The following IKZF2 variants were observed in gnomAD, a reference collection of about 807,000 sequenced individuals.
The protein encoded by IKZF2 is zinc finger protein Helios.
In IKZF2, 15 loss-of-function variants were observed where a neutral mutation model predicts 49.2. The observed-to-expected ratio is 0.30, with a 90% CI of 0.20 to 0.47. The LOEUF (loss-of-function observed/expected upper bound fraction) is 0.47. IKZF2 is among the 20% of genes least tolerant of loss of function. IKZF2 has a pLI of 1.00. For missense variants in IKZF2, 567 were observed against 664.6 expected, an observed-to-expected ratio of 0.85 and a Z score of 1.61; for synonymous variants, 227 against 221.4, an observed-to-expected ratio of 1.03 and a Z score of -0.23.
At chr2:213,123,189 G>A (rs1445768420) in intron 4 of IKZF2, among the ~76,000 whole-genome samples, 1 of 152,112 alleles carries the variant, frequency 6.6e-6, no homozygotes, top group Non-Finnish European at 1.5e-5. Context: ...ATGTCAGCTG[G>A]AAAACCGTGA....
chr2:213,034,290 C>G (rs2125209558), intron 6 of IKZF2, among the ~76,000 whole-genome samples: 1 of 152,304 alleles, frequency 6.6e-6, no homozygotes, highest in East Asian at 1.9e-4. Context: ...TGTGTGTTCA[C>G]TGGAGTAGCA....
chr2:213,054,838 T>C (rs1700990361), intron 5 of IKZF2, among the ~76,000 whole-genome samples: 1 of 152,154 alleles, frequency 6.6e-6, no homozygotes, highest in East Asian at 1.9e-4. Context: ...AACTTTATTA[T>C]GCCAATTAGA....
chr2:213,015,583 A>AGTG (rs1304488452), intron 7 of IKZF2, among the ~76,000 whole-genome samples: 2 of 152,012 alleles, frequency 1.3e-5, no homozygotes, highest in African/African-American at 4.8e-5. Flanking sequence ...AGAATGGCAC[A>AGTG]GTGGTGGTGG....
chr2:213,134,191 G>C (rs113587871), intron 4 of IKZF2, among the ~76,000 whole-genome samples: 2 of 152,124 alleles, frequency 1.3e-5, no homozygotes, highest in Non-Finnish European at 2.9e-5. Context: ...AAAAACCAGC[G>C]ATCAGAGGAC....
chr2:213,004,073 C>T lies in IKZF2; in HGVS notation c.*3287G>A, dbSNP rs1427453440. On this transcript the variant is annotated 3_prime_UTR_variant, in exon 9 of 9. Transcript: ENST00000434687. ...AACCCAACTAATTTCTTGGTATTAACTGTCATTTAAATTCTCTGTATGTTT... is the reference window on the plus strand; with the variant it reads ...AACCCAACTAATTTCTTGGTATTAATTGTCATTTAAATTCTCTGTATGTTT... The T allele has an allele frequency of 6.6e-6, 1 of 151,808 alleles. No homozygotes were observed. Among genetic ancestry groups the T allele is most frequent in the Non-Finnish European group, 1.5e-5 (1 of 67,818 alleles). 9.4% of individuals were successfully genotyped at this position (151,808 alleles called of 1,614,324 possible).
chr2:213,120,310 C>T (rs2060011297), intron 4 of IKZF2, among the ~76,000 whole-genome samples: 1 of 152,078 alleles, frequency 6.6e-6, no homozygotes, highest in Non-Finnish European at 1.5e-5. Context: ...TGGGGAATAA[C>T]TAAAAATTCA....
chr2:213,117,737 T>G (rs1315173571), intron 4 of IKZF2, among the ~76,000 whole-genome samples: 1 of 152,230 alleles, frequency 6.6e-6, no homozygotes, highest in African/African-American at 2.4e-5. Context: ...GAAAGTGTAT[T>G]TCCCAAGTTC....
chr2:213,142,570 A>G (rs1284266612), intron 4 of IKZF2, among the ~76,000 whole-genome samples: 1 of 151,952 alleles, frequency 6.6e-6, no homozygotes, highest in Non-Finnish European at 1.5e-5. Context: ...TTGAAATCTC[A>G]CAACAGCCCA....
At chr2:213,098,752 G>T (rs1207490227) in intron 4 of IKZF2, among the ~76,000 whole-genome samples, 1 of 152,094 alleles carries the variant, frequency 6.6e-6, no homozygotes, top group Non-Finnish European at 1.5e-5. Flanking sequence ...CTCTGTCCCG[G>T]TTAAAACCTG....
intron 4 of IKZF2, among the ~76,000 whole-genome samples, chr2:213,075,890 G>T (rs73077231): frequency 0.048 from 7,241 of 152,024 alleles, 295 homozygotes; most frequent in African/African-American, 0.11. Context: ...TATTATCAAA[G>T]AACTCATAAA....
chr2:213,062,079 T>C lies in IKZF2; in HGVS notation c.140-4980A>G, dbSNP rs550977579. 1.1e-4 allele frequency among the ~76,000 whole-genome samples: 16 copies of C among 151,732 alleles called. No individual in the cohort carries two copies. The East Asian group carries it at 2.7e-3, about 26-fold the overall frequency. On this transcript the variant is annotated intron_variant, in intron 4 of 8. Transcript: ENST00000434687. ...TTTTTAAGAAAAAGATCACTTTATA[T>C]GCATGATAAATATATTAATTTTAAA...
intron 4 of IKZF2, among the ~76,000 whole-genome samples, chr2:213,057,573 G>C (rs1701281567): frequency 6.6e-6 from 1 of 152,040 alleles, no homozygotes; most frequent in African/African-American, 2.4e-5. Context: ...CTTCTGAACA[G>C]GGCAAGAGAA....
intron 4 of IKZF2, among the ~76,000 whole-genome samples, chr2:213,088,877 T>TGG (rs1704979301): frequency 6.6e-6 from 1 of 152,194 alleles, no homozygotes; most frequent in African/African-American, 2.4e-5. Flanking sequence ...CATTATCTAA[T>TGG]GTTACCTTCA....
intron 4 of IKZF2, among the ~76,000 whole-genome samples, chr2:213,085,445 G>C (rs569703873): frequency 6.6e-6 from 1 of 152,146 alleles, no homozygotes; most frequent in Middle Eastern, 3.4e-3. Context: ...TTTAAACATG[G>C]CTTTGTTTAA....
intron 4 of IKZF2, among the ~76,000 whole-genome samples, chr2:213,085,010 T>TA (rs1704410360): frequency 6.6e-6 from 1 of 152,214 alleles, no homozygotes; most frequent in African/African-American, 2.4e-5. Context: ...TCACTTCTAT[T>TA]ACGCTGTACG....
chr2:213,008,200 AT>A, intron 8 of IKZF2, 116 bp from the exon 9 acceptor site: 1 of 1,203,136 alleles, frequency 8.3e-7, no homozygotes, highest in East Asian at 2.6e-5. Flanking sequence ...ATTTTTCATA[AT>A]TTGGTATATA....
At chr2:213,124,679 T>C (rs983314783) in intron 4 of IKZF2, among the ~76,000 whole-genome samples, 20 of 152,354 alleles carry the variant, frequency 1.3e-4, no homozygotes, top group African/African-American at 4.8e-4. Context: ...CCTGAATAAG[T>C]ATACAACTTA....
chr2:213,150,134 A>G lies in IKZF2; in HGVS notation c.-16+10T>C. 1 of 1,287,456 alleles carries G rather than the reference A, an allele frequency of 7.8e-7. No homozygotes were observed. The highest frequency in any genetic ancestry group is 1.0e-6 in the Non-Finnish European group (1 of 973,742). The allele number at this position is 1,287,456 out of a possible 1,614,324, so 79.8% of individuals were successfully genotyped here. On this transcript the variant is annotated intron_variant, in intron 2 of 8. Transcript: ENST00000434687. ...AAGAAAAAGGAGAAAGAGAAACGAA[A>G]TGTACATACAAAAGAAATTGTCCTT...
At chr2:213,027,770 A>G (rs1016978490) in intron 6 of IKZF2, among the ~76,000 whole-genome samples, 2 of 152,094 alleles carry the variant, frequency 1.3e-5, no homozygotes, top group South Asian at 2.1e-4. Flanking sequence ...AAAGTATTAT[A>G]TAAATATAGC....
Sources: allele counts gnomAD v4.1 joint callset (sites outside exome capture counted in the v4.1 genomes callset), GRCh38; gene constraint gnomAD v4.1.1; transcripts MANE v1.5; gene names NCBI Gene and HGNC (gene_info 2026-07-23, HGNC 2026-07-21).